ADGRL2: variants seen among roughly 807,000 people sequenced by gnomAD.
ADGRL2 encodes the protein adhesion G protein-coupled receptor L2.
A neutral mutation model predicts 157.4 loss-of-function variants in ADGRL2; 44 were observed. The ratio of observed to expected loss-of-function variants is 0.28; its 90% CI spans 0.22 to 0.36. The LOEUF is 0.36. Among genes scored for constraint, ADGRL2 ranks in the 10% least tolerant of loss-of-function variants. The probability of loss-of-function intolerance (pLI) is 1.00; values close to 1 mark genes in which losing one functional copy is unlikely to be tolerated. For synonymous variants in ADGRL2, 585 were observed against 624.7 expected, an observed-to-expected ratio of 0.94 and a Z score of 0.95; for missense variants, 1,510 against 1,768.9, an observed-to-expected ratio of 0.85 and a Z score of 2.63.
chr1:81,310,598 G>C (rs1287051331), intron 1 of ADGRL2, among the ~76,000 whole-genome samples: 1 of 152,186 alleles, frequency 6.6e-6, no homozygotes, highest in African/African-American at 2.4e-5. Context: ...CAGATGGACT[G>C]CCCTGTATAT....
In ADGRL2 at chr1:81,640,011, T is replaced by C. The variant is rs148860349; in HGVS notation, c.-143+59031T>C. 2.4e-4 allele frequency among the ~76,000 whole-genome samples: 37 copies of C among 152,298 alleles called. 4 individuals are homozygous for C. The East Asian group carries it at 7.2e-3, about 30-fold the overall frequency. On this transcript the variant is annotated intron_variant, in intron 3 of 24. Coordinates refer to the ADGRL2 transcript ENST00000370721. ...CGTCTGGTCATTTGATTTTAGTTGA[T>C]TCGGTTCATGGGGACTCTGGCTAAG...
At chr1:81,883,669 C>T (rs371363) in intron 2 of ADGRL2, among the ~76,000 whole-genome samples, 20,850 of 152,102 alleles carry the variant, frequency 0.14, 1,608 homozygotes, top group Admixed American at 0.21. Flanking sequence ...ACATCCTCGT[C>T]TTCCTATTAT....
intron 3 of ADGRL2, among the ~76,000 whole-genome samples, chr1:81,921,005 A>G (rs2094965252): frequency 6.6e-6 from 1 of 152,146 alleles, no homozygotes; most frequent in South Asian, 2.1e-4. Flanking sequence ...TTTTAACTGA[A>G]TACAAAAAGA....
At chr1:81,427,163 G>A in intron 1 of ADGRL2, 2 of 1,072,402 alleles carry the variant, frequency 1.9e-6, no homozygotes, top group Non-Finnish European at 2.9e-6. Flanking sequence ...GGGTTGCGGA[G>A]GAAACTTTCG....
intron 1 of ADGRL2, among the ~76,000 whole-genome samples, chr1:81,716,191 T>C (rs2149100631): frequency 6.6e-6 from 1 of 152,320 alleles, no homozygotes; most frequent in Middle Eastern, 3.4e-3. Context: ...ACAGTTCATA[T>C]TTCTGGATAT....
intron 1 of ADGRL2, among the ~76,000 whole-genome samples, chr1:81,345,907 G>T (rs865825559): frequency 5.8e-4 from 88 of 152,200 alleles, no homozygotes; most frequent in African/African-American, 1.9e-3. Flanking sequence ...ATTTCAAAAG[G>T]TTTGAGCTTT....
chr1:81,473,417 T>G (rs1172027631), intron 2 of ADGRL2, among the ~76,000 whole-genome samples: 1 of 152,152 alleles, frequency 6.6e-6, no homozygotes, highest in African/African-American at 2.4e-5. Flanking sequence ...AATAATGTAG[T>G]GTGAAAAAAA....
chr1:81,971,293 G>A (rs1006690446), intron 16 of ADGRL2, among the ~76,000 whole-genome samples: 6 of 152,068 alleles, frequency 3.9e-5, no homozygotes, highest in African/African-American at 1.4e-4. Context: ...ATAAGTTTAT[G>A]CATCATTTAC....
intron 1 of ADGRL2, among the ~76,000 whole-genome samples, chr1:81,713,429 A>G (rs1324937986): frequency 2.6e-5 from 4 of 152,214 alleles, no homozygotes; most frequent in Non-Finnish European, 5.9e-5. Context: ...AGAAGAGGTA[A>G]GGTTAGAAGG....
chr1:81,876,666 C>G (rs999733450), intron 2 of ADGRL2, among the ~76,000 whole-genome samples: 6 of 152,034 alleles, frequency 3.9e-5, no homozygotes. Flanking sequence ...ATCCAACACC[C>G]TAATTTGTGA....
At chr1:81,904,388 A>G (rs775532362) in intron 2 of ADGRL2, among the ~76,000 whole-genome samples, 2 of 152,212 alleles carry the variant, frequency 1.3e-5, no homozygotes, top group Non-Finnish European at 2.9e-5. Flanking sequence ...GGTATTTGCT[A>G]TTAAGAACTC....
intron 2 of ADGRL2, among the ~76,000 whole-genome samples, chr1:81,902,597 C>T (rs1334441219): frequency 1.3e-5 from 2 of 152,040 alleles, no homozygotes; most frequent in Admixed American, 6.6e-5. Context: ...CAGAGCAAGA[C>T]TCCATCTCAG....
chr1:81,317,198 T>C (rs1660166309), intron 1 of ADGRL2, among the ~76,000 whole-genome samples: 1 of 152,122 alleles, frequency 6.6e-6, no homozygotes, highest in South Asian at 2.1e-4. Flanking sequence ...CCCACAACAA[T>C]GACTAATTCT....
At chr1:81,383,944 A>T (rs1400915037) in intron 1 of ADGRL2, among the ~76,000 whole-genome samples, 1 of 147,054 alleles carries the variant, frequency 6.8e-6, no homozygotes, top group East Asian at 2.0e-4. Flanking sequence ...ACAGAGCAAG[A>T]CTCTGTCTCA....
At chr1:81,951,915 GA>G (rs202009316) in intron 8 of ADGRL2, 41 bp from the exon 9 acceptor site, 84 of 1,498,820 alleles carry the variant, frequency 5.6e-5, no homozygotes, top group South Asian at 1.3e-4. Context: ...GCTGTAAACA[GA>G]AAAAAAAATT....
chr1:81,771,555 AT>A (rs1249948506), intron 2 of ADGRL2, among the ~76,000 whole-genome samples: 3 of 152,230 alleles, frequency 2.0e-5, no homozygotes, highest in East Asian at 3.9e-4. Flanking sequence ...AGGAAAAAAA[AT>A]CTCTCTTGAA....
intron 1 of ADGRL2, among the ~76,000 whole-genome samples, chr1:81,443,380 T>C (rs1343024068): frequency 6.6e-6 from 1 of 150,490 alleles, no homozygotes. Context: ...GAGGCAGAGG[T>C]GAGCCAAGAT....
At chr1:81,638,613 G>A (rs775594561) in intron 3 of ADGRL2, among the ~76,000 whole-genome samples, 1 of 152,024 alleles carries the variant, frequency 6.6e-6, no homozygotes, top group African/African-American at 2.4e-5. Context: ...AAGTGGACTT[G>A]GATTAGTTGT....
chr1:81,921,572 C>T (rs1055780673), intron 3 of ADGRL2, among the ~76,000 whole-genome samples: 2 of 152,200 alleles, frequency 1.3e-5, no homozygotes, highest in African/African-American at 4.8e-5. Context: ...CACGGCCCTC[C>T]ACTCCCAAGC....
Sources: allele counts gnomAD v4.1 joint callset (sites outside exome capture counted in the v4.1 genomes callset), GRCh38; gene constraint gnomAD v4.1.1; transcripts MANE v1.5; gene names NCBI Gene and HGNC (gene_info 2026-07-23, HGNC 2026-07-21).